Variants in TUSC3 observed in about 807,000 individuals in gnomAD.
TUSC3 encodes dolichyl-diphosphooligosaccharide--protein glycosyltransferase subunit TUSC3.
A neutral mutation model predicts 44.8 loss-of-function variants in TUSC3; 45 were observed. The observed-to-expected ratio is 1.00, with a 90% confidence interval of 0.79 to 1.29. The LOEUF is 1.29. Ranked by LOEUF, TUSC3 falls within the 50% of genes most tolerant of loss-of-function variation. TUSC3 has a pLI of 0.00. For missense variants in TUSC3, 519 were observed against 437.9 expected (o/e 1.19, Z -1.65); for synonymous variants, 212 against 152.9 (o/e 1.39, Z -2.85).
intron 6 of TUSC3, among the ~76,000 whole-genome samples, chr8:15,682,252 G>C (rs1808456849): frequency 1.3e-5 from 2 of 152,052 alleles, no homozygotes; most frequent in African/African-American, 4.8e-5. Flanking sequence ...GCTGTGAGTG[G>C]GGTCTCGACA....
rs183165275 is a variant in TUSC3 at position 15,432,641 on chromosome 8, G to C, written n.91+15336G>C. 4.9e-4 allele frequency among the ~76,000 whole-genome samples: 75 copies of C among 152,224 alleles called. 1 individual carries two copies. Among genetic ancestry groups the C allele is most frequent in the African/African-American group, 1.7e-3 (69 of 41,538 alleles). ...AAGCCTTTATTATCATGGTGGTAAG[G>C]TCAGGGAGAGGGACTGCTCTGTAGT... is the stretch of plus-strand genomic sequence containing the variant. On this transcript the variant is annotated intron_variant and non_coding_transcript_variant, in intron 1 of 5. Transcript: ENST00000503191.
At chr8:15,504,126 A>G (rs1563268361) in intron 2 of TUSC3, among the ~76,000 whole-genome samples, 1 of 152,164 alleles carries the variant, frequency 6.6e-6, no homozygotes, top group East Asian at 1.9e-4. Flanking sequence ...AGCAAAAGAA[A>G]GCCATGAATA....
At chr8:15,608,875 T>C (rs917474648) in intron 1 of TUSC3, among the ~76,000 whole-genome samples, 2 of 152,186 alleles carry the variant, frequency 1.3e-5, no homozygotes, top group Non-Finnish European at 2.9e-5. Context: ...AACTGACTAA[T>C]ACATATACCT....
intron 6 of TUSC3, among the ~76,000 whole-genome samples, chr8:15,722,947 T>C (rs1015459572): frequency 2.0e-5 from 3 of 152,084 alleles, no homozygotes; most frequent in African/African-American, 7.2e-5. Flanking sequence ...AATGTAGTTA[T>C]TTAGTGTTAT....
intron 9 of TUSC3, among the ~76,000 whole-genome samples, chr8:15,751,098 G>T (rs1194579499): frequency 6.6e-6 from 1 of 152,118 alleles, no homozygotes. Flanking sequence ...CTGTGCTATT[G>T]TGTGGGTTTA....
chr8:15,445,760 C>T (rs1800087683), intron 1 of TUSC3, among the ~76,000 whole-genome samples: 1 of 152,224 alleles, frequency 6.6e-6, no homozygotes, highest in Non-Finnish European at 1.5e-5. Context: ...TTTCTTTTTA[C>T]CACATTTCCC....
chr8:15,846,798 C>T, the TUSC3 span, among the ~76,000 whole-genome samples: 2 of 151,488 alleles, frequency 1.3e-5, no homozygotes, highest in African/African-American at 2.4e-5. Context: ...CAGCAAACCA[C>T]CATGGCACAT....
downstream of TUSC3, chr8:15,766,707 A>G (rs1048716835): frequency 2.0e-5 from 3 of 152,096 alleles, no homozygotes; most frequent in South Asian, 2.1e-4. Context: ...GTCAATTACA[A>G]TTCAGCAGGC....
In TUSC3 at chr8:15,545,500, A is replaced by G. The variant is rs559798966; in HGVS notation, c.138+4932A>G. On this transcript the variant is annotated intron_variant, in intron 1 of 10. Transcript: ENST00000503731. ...ACTCTGTCTTCTTTGACTATGTGCT[A>G]TATGCAAATATCCTTGAAAAGATGG... is the stretch of plus-strand genomic sequence containing the variant. Among the ~76,000 whole-genome samples the G allele has an allele frequency of 5.9e-5, 9 of 151,920 alleles. No individual in the cohort carries two copies. In the South Asian group the frequency reaches 6.3e-4, roughly 11 times the overall value.
the TUSC3 span, among the ~76,000 whole-genome samples, chr8:15,803,977 CT>C: frequency 6.6e-3 from 999 of 152,256 alleles, 7 homozygotes; most frequent in African/African-American, 0.023. Context: ...GCTTCCAAGT[CT>C]TTGCTATTGT....
intron 2 of TUSC3, among the ~76,000 whole-genome samples, chr8:15,524,595 T>TA (rs1161377142): frequency 6.6e-6 from 1 of 152,226 alleles, no homozygotes. Context: ...TCAAAGAGCG[T>TA]AATTGGTGCT....
intron 1 of TUSC3, among the ~76,000 whole-genome samples, chr8:15,453,713 A>G (rs954779989): frequency 6.6e-6 from 1 of 152,144 alleles, no homozygotes; most frequent in Admixed American, 6.5e-5. Flanking sequence ...TTACACAGAG[A>G]ATTATTCTTG....
intron 9 of TUSC3, among the ~76,000 whole-genome samples, chr8:15,756,026 C>T (rs571847561): frequency 6.6e-6 from 1 of 152,232 alleles, no homozygotes; most frequent in South Asian, 2.1e-4. Flanking sequence ...GTAATTCTGT[C>T]ACTTTGCTTC....
chr8:15,726,626 T>C (rs1274986231), intron 6 of TUSC3, among the ~76,000 whole-genome samples: 2 of 152,020 alleles, frequency 1.3e-5, no homozygotes, highest in African/African-American at 4.8e-5. Flanking sequence ...GCCAACGTGG[T>C]GAAACCCTAT....
chr8:15,484,954 G>A (rs761075807), intron 2 of TUSC3, among the ~76,000 whole-genome samples: 4 of 152,070 alleles, frequency 2.6e-5, no homozygotes, highest in African/African-American at 7.2e-5. Context: ...CTTGAACTTT[G>A]GTTATTTTCT....
At chr8:15,837,107 C>T in the TUSC3 span, among the ~76,000 whole-genome samples, 329 of 152,210 alleles carry the variant, frequency 2.2e-3, 1 homozygote, top group African/African-American at 7.6e-3. Context: ...AGCTATTGTT[C>T]TACTGTCTGC....
intron 2 of TUSC3, among the ~76,000 whole-genome samples, chr8:15,490,412 T>G (rs1287613574): frequency 6.6e-6 from 1 of 152,060 alleles, no homozygotes; most frequent in African/African-American, 2.4e-5. Flanking sequence ...CTCTCCTGTT[T>G]CCCCACCACC....
intron 1 of TUSC3, among the ~76,000 whole-genome samples, chr8:15,575,506 C>T (rs942392109): frequency 2.6e-5 from 4 of 152,130 alleles, no homozygotes; most frequent in African/African-American, 9.7e-5. Flanking sequence ...TGGCTCACGC[C>T]TGTAATCCCA....
chr8:15,728,655 T>G (rs993840445), intron 6 of TUSC3, among the ~76,000 whole-genome samples: 11 of 152,148 alleles, frequency 7.2e-5, no homozygotes, highest in Admixed American at 7.2e-4. Context: ...AGTTTCGTTT[T>G]AGCTGTTATC....
Sources: allele counts gnomAD v4.1 joint callset (sites outside exome capture counted in the v4.1 genomes callset), GRCh38; gene constraint gnomAD v4.1.1; transcripts MANE v1.5; gene names NCBI Gene and HGNC (gene_info 2026-07-23, HGNC 2026-07-21).